USP6NL: variants seen among roughly 807,000 people sequenced by gnomAD.
The protein encoded by USP6NL is USP6 N-terminal like.
USP6NL carries 26 observed loss-of-function variants against 61.9 expected under a neutral mutation model. That is an observed-to-expected ratio of 0.42 (90% CI 0.31 to 0.58). The LOEUF (loss-of-function observed/expected upper bound fraction) is 0.58. Ranked by LOEUF, USP6NL falls within the 20% of genes least tolerant of loss-of-function variation. The pLI is 0.16. For missense variants in USP6NL, 1,114 were observed against 1,034.3 expected (o/e 1.08, Z -1.06); for synonymous variants, 432 against 390.1 (o/e 1.11, Z -1.27).
Position 11,528,473 on chromosome 10 carries a change from C to T in USP6NL, c.5-906G>A, listed in dbSNP as rs1835513810. 6.6e-6 allele frequency among the ~76,000 whole-genome samples: 1 copy of T among 152,092 alleles called. No individual in the cohort carries two copies. Among genetic ancestry groups the T allele is most frequent in the African/African-American group, 2.4e-5 (1 of 41,416 alleles). On this transcript the variant is annotated intron_variant, in intron 2 of 14. Transcript: ENST00000609104. This position sits in a 1 kb window ranked among gnomAD's most constrained non-coding sequence, Gnocchi z 4.6. ...AAATACTGTGCTAATAAGCACTTTA[C>T]CCTGCCTTACCACATGACACTCTAA... is the stretch of plus-strand genomic sequence containing the variant.
chr10:11,527,491 G>A lies in USP6NL; in HGVS notation c.72+9C>T. 6.3e-7 allele frequency: 1 copy of A among 1,595,624 alleles called. No individual in the cohort carries two copies. Among genetic ancestry groups the A allele is most frequent in the South Asian group, 1.1e-5 (1 of 87,748 alleles). The stretch of plus-strand genomic sequence containing the variant: ...AAACTCACCCAAAGTGTTAAATATG[G>A]ATACTTACTCTGTCATATTTAGCAA... On this transcript the variant is annotated intron_variant, in intron 3 of 14. Transcript: ENST00000609104.
chr10:11,495,894 G>A lies in USP6NL; in HGVS notation c.385-2666C>T, dbSNP rs1177368321. ...GCTGCATGCCTGGGTGAGGCTTCCTGACTGTGATCCTGCTCGTGGAGGCAT... is the reference window on the plus strand; with the variant it reads ...GCTGCATGCCTGGGTGAGGCTTCCTAACTGTGATCCTGCTCGTGGAGGCAT... On this transcript the variant is annotated intron_variant, in intron 7 of 14. Coordinates refer to ENST00000609104, the MANE Select transcript of USP6NL (RefSeq NM_014688.5). This position sits in a 1 kb window ranked among gnomAD's most constrained non-coding sequence, Gnocchi z 4.6. 1.3e-5 allele frequency among the ~76,000 whole-genome samples: 2 copies of A among 152,216 alleles called. No individual in the cohort carries two copies. The highest frequency in any genetic ancestry group is 2.4e-5 in the African/African-American group (1 of 41,456).
At chr10:11,536,491 TA>T (rs1835837347) in intron 2 of USP6NL, among the ~76,000 whole-genome samples, 3 of 152,236 alleles carry the variant, frequency 2.0e-5, no homozygotes. Context: ...GAACAAGGTT[TA>T]GACAATCAAT....
rs1468213734 is a variant in USP6NL, at chr10:11,591,773, A to G, written c.4+5858T>C. On this transcript the variant is annotated intron_variant, in intron 2 of 14. Transcript: ENST00000609104. The surrounding 1 kb of genome is among the most constrained non-coding windows in gnomAD (Gnocchi z 4.7). ...TTGAAAAAATATCAAAAGAAAATAT[A>G]TAAGAAAAGAATGTAAACCACCTCC... is the stretch of plus-strand genomic sequence containing the variant. Among the ~76,000 whole-genome samples the G allele has an allele frequency of 2.6e-5, 4 of 152,220 alleles. No homozygotes were observed. The highest frequency in any genetic ancestry group is 1.9e-4 in the East Asian group (1 of 5,202).
intron 1 of USP6NL, among the ~76,000 whole-genome samples, chr10:11,599,957 C>A (rs1048559488): frequency 6.6e-6 from 1 of 152,054 alleles, no homozygotes; most frequent in Non-Finnish European, 1.5e-5. Context: ...CCATGCCCAG[C>A]CCCTCCGACC....
intron 2 of USP6NL, among the ~76,000 whole-genome samples, chr10:11,582,367 C>T (rs1008545223): frequency 6.6e-6 from 1 of 152,212 alleles, no homozygotes; most frequent in African/African-American, 2.4e-5. Context: ...TCCCAAATTA[C>T]TGGAATTACA....
rs1298483795 is a variant in USP6NL at position 11,540,503 on chromosome 10, T to C, written c.5-12936A>G. Reference sequence around the variant, plus strand: ...CTTCATTCACTTAGTTTTAAGAACTTCTTTCCCAGCTCATTCAGAATTGCA... The same window carrying C: ...CTTCATTCACTTAGTTTTAAGAACTCCTTTCCCAGCTCATTCAGAATTGCA... On this transcript the variant is annotated intron_variant, in intron 2 of 14. Transcript: ENST00000609104. The surrounding 1 kb of genome is among the most constrained non-coding windows in gnomAD (Gnocchi z 5.0). Among the ~76,000 whole-genome samples the C allele has an allele frequency of 6.6e-6, 1 of 152,190 alleles. No homozygotes were observed. The highest frequency in any genetic ancestry group is 1.5e-5 in the Non-Finnish European group (1 of 68,028).
Position 11,463,225 on chromosome 10 carries a change from G to A in USP6NL, c.1703C>T (p.Ala568Val), listed in dbSNP as rs1319370372. The A allele has an allele frequency of 2.5e-6, 4 of 1,613,318 alleles. No individual in the cohort carries two copies. Among genetic ancestry groups the A allele is most frequent in the Admixed American group, 3.3e-5 (2 of 60,026 alleles). The change falls in exon 15 of 15, where the codon GCG becomes GTG. Residue 568 changes from alanine to valine, a missense_variant. Transcript: ENST00000609104. This position sits in a 1 kb window ranked among gnomAD's most constrained non-coding sequence, Gnocchi z 6.3. Reference sequence around the variant, plus strand: ...GCTCTGGGAGTAAGCCCTTTCCAGCGCCTCCTCCACGGAAGCGCCGCTGTC... The same window carrying A: ...GCTCTGGGAGTAAGCCCTTTCCAGCACCTCCTCCACGGAAGCGCCGCTGTC... The part of the protein sequence containing the change: ...ELDSGASVEE[A>V]LERAYSQSPR...
At chr10:11,514,964 T>C (rs1308123014) in intron 5 of USP6NL, among the ~76,000 whole-genome samples, 1 of 152,222 alleles carries the variant, frequency 6.6e-6, no homozygotes, top group Non-Finnish European at 1.5e-5. Flanking sequence ...TGAGCTGTTT[T>C]CAGGGAAGGG....
chr10:11,559,081 A>C (rs1386629089), intron 2 of USP6NL, among the ~76,000 whole-genome samples: 6 of 152,206 alleles, frequency 3.9e-5, no homozygotes, highest in Non-Finnish European at 8.8e-5. Context: ...AAATTCTCTA[A>C]GCTGCAGGTC....
In USP6NL at chr10:11,548,478, T is replaced by G. The variant is rs1281576303; in HGVS notation, c.5-20911A>C. Reference sequence around the variant, plus strand: ...CATTTTATTATTTTTAATTAACTCATTTTCCATTTTGGTCCATGACTATCC... The same window carrying G: ...CATTTTATTATTTTTAATTAACTCAGTTTCCATTTTGGTCCATGACTATCC... On this transcript the variant is annotated intron_variant, in intron 2 of 14. Coordinates refer to ENST00000609104, the MANE Select transcript of USP6NL (RefSeq NM_014688.5). The surrounding 1 kb of genome is among the most constrained non-coding windows in gnomAD (Gnocchi z 4.3). Among the ~76,000 whole-genome samples, 1 of 152,210 alleles carries G rather than the reference T, an allele frequency of 6.6e-6. No homozygotes were observed. Among genetic ancestry groups the G allele is most frequent in the Non-Finnish European group, 1.5e-5 (1 of 68,034 alleles).
chr10:11,491,548 G>C lies in USP6NL; in HGVS notation c.495-668C>G, dbSNP rs1833708966. On this transcript the variant is annotated intron_variant, in intron 8 of 14. Coordinates refer to ENST00000609104, the MANE Select transcript of USP6NL (RefSeq NM_014688.5). This position sits in a 1 kb window ranked among gnomAD's most constrained non-coding sequence, Gnocchi z 4.7. ...CTGAAACTGCCACCCAACCACTTTG[G>C]GCTCCTTATGCCTCTGAACCAACAG... is the stretch of plus-strand genomic sequence containing the variant. Among the ~76,000 whole-genome samples the C allele has an allele frequency of 6.6e-6, 1 of 152,158 alleles. No individual in the cohort carries two copies. Among genetic ancestry groups the C allele is most frequent in the Non-Finnish European group, 1.5e-5 (1 of 68,016 alleles).
At chr10:11,609,855 T>C (rs369908366) in intron 1 of USP6NL, among the ~76,000 whole-genome samples, 2 of 152,360 alleles carry the variant, frequency 1.3e-5, no homozygotes, top group African/African-American at 4.8e-5. Context: ...ACTTACTGGC[T>C]TGTTTAACCA....
chr10:11,485,780 G>T lies in USP6NL; in HGVS notation c.759+37C>A. ...ATTATCCCAGCTTTTTTTGGGGGGT[G>T]GGTAGGTGGGTGTAAGTCAGTGGCA... On this transcript the variant is annotated intron_variant, in intron 11 of 14. Coordinates refer to ENST00000609104, the MANE Select transcript of USP6NL (RefSeq NM_014688.5). This position sits in a 1 kb window ranked among gnomAD's most constrained non-coding sequence, Gnocchi z 4.8. The T allele has an allele frequency of 7.4e-7, 1 of 1,352,064 alleles. No homozygotes were observed. Among genetic ancestry groups the T allele is most frequent in the South Asian group, 1.3e-5 (1 of 74,118 alleles). The allele number at this position is 1,352,064 out of a possible 1,614,324, so 83.8% of individuals were successfully genotyped here.
In USP6NL at chr10:11,520,842, C is replaced by G. The variant is rs531168296; in HGVS notation, c.156-2268G>C. Among the ~76,000 whole-genome samples the G allele has an allele frequency of 9.2e-5, 14 of 152,322 alleles. No individual in the cohort carries two copies. Among genetic ancestry groups the G allele is most frequent in the Admixed American group, 2.6e-4 (4 of 15,296 alleles). ...CCGTATGACCTACAAAGCCAAAGAT[C>G]CTTCATATCTGGCTCTTTAGAGAAA... On this transcript the variant is annotated intron_variant, in intron 4 of 14. Coordinates refer to ENST00000609104, the MANE Select transcript of USP6NL (RefSeq NM_014688.5). The surrounding 1 kb of genome is among the most constrained non-coding windows in gnomAD (Gnocchi z 5.2).
chr10:11,535,102 T>C (rs12218410), intron 2 of USP6NL, among the ~76,000 whole-genome samples: 48,943 of 152,126 alleles, frequency 0.32, 8,440 homozygotes, highest in East Asian at 0.67. Context: ...TAGGTTAACA[T>C]CTATAGATCT....
In USP6NL at chr10:11,462,504, C is replaced by T; in HGVS notation, c.2424G>A (p.Pro808=). ...SPSGYPYSGP[P]PPAYHYRNRD... Reference sequence around the variant, plus strand: ...GATTCCTGTAGTGGTAGGCTGGAGGCGGGGGCCCTGAATATGGATATCCAG... The same window carrying T: ...GATTCCTGTAGTGGTAGGCTGGAGGTGGGGGCCCTGAATATGGATATCCAG... Residue 808 remains proline (P), a synonymous_variant, in exon 15 of 15, where the codon CCG becomes CCA. Transcript: ENST00000609104. 6.2e-7 allele frequency: 1 copy of T among 1,613,942 alleles called. No homozygotes were observed. Among genetic ancestry groups the T allele is most frequent in the Non-Finnish European group, 8.5e-7 (1 of 1,179,894 alleles).
rs1254868450 is a variant in USP6NL, at chr10:11,481,996, A to T, written c.926-74T>A. 6 of 1,439,174 alleles carry T rather than the reference A, an allele frequency of 4.2e-6. No homozygotes were observed. The African/African-American group carries it at 5.7e-5, about 14-fold the overall frequency. The allele number at this position is 1,439,174 out of a possible 1,614,324, so 89.2% of individuals were successfully genotyped here. On this transcript the variant is annotated intron_variant, in intron 13 of 14. Coordinates refer to ENST00000609104, the MANE Select transcript of USP6NL (RefSeq NM_014688.5). This position sits in a 1 kb window ranked among gnomAD's most constrained non-coding sequence, Gnocchi z 4.4. ...GGTAGGAAGATATTCTATTATATTC[A>T]GGTGTAGTGTAAAAGGGCATTAAAA...
chr10:11,547,585 G>A (rs546123087), intron 2 of USP6NL, among the ~76,000 whole-genome samples: 7 of 142,652 alleles, frequency 4.9e-5, no homozygotes, highest in East Asian at 2.1e-4. Flanking sequence ...TGTCGCCCAC[G>A]CTGAAGTGCA....
Sources: allele counts gnomAD v4.1 joint callset (sites outside exome capture counted in the v4.1 genomes callset), GRCh38; gene constraint gnomAD v4.1.1; non-coding constraint Gnocchi (gnomAD v3.1); transcripts MANE v1.5; gene names NCBI Gene and HGNC (gene_info 2026-07-23, HGNC 2026-07-21).